SLIT1: variants seen among roughly 807,000 people sequenced by gnomAD.
SLIT1 encodes slit homolog 1 protein.
SLIT1 carries 66 observed loss-of-function variants against 186.1 expected under a neutral mutation model. The observed-to-expected ratio is 0.35, with a 90% confidence interval of 0.29 to 0.44. The LOEUF (loss-of-function observed/expected upper bound fraction) is 0.44. Ranked by LOEUF, SLIT1 falls within the 20% of genes least tolerant of loss-of-function variation. SLIT1 has a pLI of 1.00. For synonymous variants in SLIT1, 761 were observed against 833.8 expected (o/e 0.91, Z 1.50); for missense variants, 1,638 against 2,037.4 (o/e 0.80, Z 3.77).
intron 4 of SLIT1, among the ~76,000 whole-genome samples, chr10:97,134,092 G>A (rs1334835899): frequency 6.6e-6 from 1 of 152,048 alleles, no homozygotes; most frequent in Non-Finnish European, 1.5e-5. Context: ...CCTGAACCTC[G>A]GTCAGATTCC....
At chr10:97,002,500 T>C in intron 35 of SLIT1, 131 bp from the exon 36 acceptor site, 1 of 594,418 alleles carries the variant, frequency 1.7e-6, no homozygotes, top group South Asian at 2.1e-5. Context: ...TTCCCAAAAC[T>C]GAAACAAAGG....
intron 31 of SLIT1, among the ~76,000 whole-genome samples, chr10:97,007,476 A>T (rs893195784): frequency 1.3e-5 from 2 of 152,210 alleles, no homozygotes; most frequent in African/African-American, 4.8e-5. Flanking sequence ...AACCAAAGAC[A>T]TCACAACAAA....
At chr10:97,054,276 T>G (rs1589376407) in intron 13 of SLIT1, among the ~76,000 whole-genome samples, 2 of 151,798 alleles carry the variant, frequency 1.3e-5, no homozygotes, top group Admixed American at 6.6e-5. Flanking sequence ...CCTCTCTTGC[T>G]CCTCCTCTTG....
intron 4 of SLIT1, among the ~76,000 whole-genome samples, chr10:97,145,034 TG>T (rs1368952788): frequency 2.0e-5 from 3 of 152,050 alleles, no homozygotes; most frequent in African/African-American, 7.2e-5. Flanking sequence ...AACTTCCAAC[TG>T]GAAGAGCCAG....
intron 4 of SLIT1, chr10:97,155,186 A>G (rs1036179775): frequency 2.0e-5 from 3 of 152,224 alleles, no homozygotes; most frequent in African/African-American, 7.2e-5. Flanking sequence ...TAGCCCTACC[A>G]TGTATGGGTA....
chr10:97,014,539 T>C (rs1848438246), intron 28 of SLIT1, among the ~76,000 whole-genome samples: 1 of 151,726 alleles, frequency 6.6e-6, no homozygotes, highest in Admixed American at 6.6e-5. Flanking sequence ...AGAGCGGGAA[T>C]GGGAGGAAGG....
intron 4 of SLIT1, among the ~76,000 whole-genome samples, chr10:97,074,913 C>T (rs530714014): frequency 8.5e-5 from 13 of 152,238 alleles, no homozygotes; most frequent in African/African-American, 1.4e-4. Flanking sequence ...TCTGCCTTCA[C>T]GCTCTAACCT....
chr10:97,090,938 C>T (rs1008200351), intron 4 of SLIT1, among the ~76,000 whole-genome samples: 2 of 152,212 alleles, frequency 1.3e-5, no homozygotes, highest in Admixed American at 6.5e-5. Context: ...CTCAGTATGG[C>T]GGCAGAGCAC....
intron 9 of SLIT1, 106 bp from the exon 10 acceptor site, chr10:97,060,264 C>G: frequency 1.1e-6 from 1 of 901,432 alleles, no homozygotes; most frequent in Non-Finnish European, 1.8e-6. Flanking sequence ...CCCCTCTTGC[C>G]CCTGCTCCCT....
intron 4 of SLIT1, among the ~76,000 whole-genome samples, chr10:97,096,363 G>A (rs749225469): frequency 3.4e-4 from 51 of 151,662 alleles, no homozygotes; most frequent in African/African-American, 6.5e-4. Flanking sequence ...ACATCCTCTC[G>A]CCATCACGCC....
At position 97,055,414 on chromosome 10, in the gene SLIT1, G is replaced by A. The variant is rs148070637; in HGVS notation, c.1301+907C>T. On this transcript the variant is annotated intron_variant, in intron 13 of 36. Coordinates refer to ENST00000266058, the MANE Select transcript of SLIT1 (RefSeq NM_003061.3). ...GTCTCTCCGTTGCCCAGGTGGGAGTGCAGGGGGTGTGGCCACATGTCACTG... is the reference window on the plus strand; with the variant it reads ...GTCTCTCCGTTGCCCAGGTGGGAGTACAGGGGGTGTGGCCACATGTCACTG... Among the ~76,000 whole-genome samples the A allele has an allele frequency of 2.0e-5, 3 of 152,244 alleles. No homozygotes were observed. In the East Asian group the frequency reaches 5.8e-4, roughly 29 times the overall value.
At chr10:97,064,339 G>A (rs1001061155) in intron 6 of SLIT1, 100 bp from the exon 7 acceptor site, 9 of 946,370 alleles carry the variant, frequency 9.5e-6, no homozygotes, top group African/African-American at 3.2e-5. Context: ...CGACCTTAAA[G>A]TGACCAGCAC....
At chr10:97,048,662 G>A (rs1848757670) in intron 14 of SLIT1, among the ~76,000 whole-genome samples, 1 of 152,182 alleles carries the variant, frequency 6.6e-6, no homozygotes, top group Non-Finnish European at 1.5e-5. Flanking sequence ...ACACCTTTGT[G>A]GGAGCCATCC....
chr10:97,060,963 C>T (rs1848889235), intron 8 of SLIT1, among the ~76,000 whole-genome samples, 176 bp from the exon 9 acceptor site: 1 of 152,216 alleles, frequency 6.6e-6, no homozygotes, highest in Non-Finnish European at 1.5e-5. Flanking sequence ...TCTGTGGGTG[C>T]CTGGCACACA....
chr10:97,141,658 T>TATTGC (rs1179190844), intron 4 of SLIT1, among the ~76,000 whole-genome samples: 22 of 141,024 alleles, frequency 1.6e-4, no homozygotes, highest in Middle Eastern at 3.7e-3. Context: ...CATTGTATTG[T>TATTGC]ATTGCATTGC....
At chr10:97,165,379 G>C (rs1850090830) in intron 1 of SLIT1, among the ~76,000 whole-genome samples, 1 of 152,168 alleles carries the variant, frequency 6.6e-6, no homozygotes, top group Non-Finnish European at 1.5e-5. Context: ...GTTATCATCT[G>C]GTGGCACTGG....
chr10:97,164,802 G>A lies in SLIT1; in HGVS notation c.269+17C>T, dbSNP rs1323284983. On this transcript the variant is annotated intron_variant, in intron 2 of 36. Coordinates refer to ENST00000266058, the MANE Select transcript of SLIT1 (RefSeq NM_003061.3). ...GCATTGCCAGGGGTGGGGTGGGAGG[G>A]AGCACCCCATACTCACAGCACCCGC... 6.4e-7 allele frequency: 1 copy of A among 1,561,598 alleles called. No homozygotes were observed. Among genetic ancestry groups the A allele is most frequent in the South Asian group, 1.1e-5 (1 of 89,998 alleles).
intron 4 of SLIT1, among the ~76,000 whole-genome samples, chr10:97,073,675 C>T: frequency 6.6e-6 from 1 of 152,198 alleles, no homozygotes; most frequent in African/African-American, 2.4e-5. Context: ...CCAGGGAGCA[C>T]TCACGGAGAG....
chr10:97,147,862 T>C (rs2784930), intron 4 of SLIT1, among the ~76,000 whole-genome samples: 126,628 of 151,882 alleles, frequency 0.83, 52,855 homozygotes, highest in Admixed American at 0.87. Context: ...CCCACCCCTG[T>C]GTCTGCACAG....
Sources: allele counts gnomAD v4.1 joint callset (sites outside exome capture counted in the v4.1 genomes callset), GRCh38; gene constraint gnomAD v4.1.1; transcripts MANE v1.5; gene names NCBI Gene and HGNC (gene_info 2026-07-23, HGNC 2026-07-21).